The following MDGA2 variants were observed in gnomAD, a reference collection of about 807,000 sequenced individuals.
MDGA2 encodes the protein MAM domain-containing glycosylphosphatidylinositol anchor protein 2.
Under a neutral mutation model 117.8 loss-of-function variants are expected in MDGA2, and 40 were observed. The ratio of observed to expected loss-of-function variants is 0.34; its 90% CI spans 0.26 to 0.44. The LOEUF is 0.44. Among genes scored for constraint, MDGA2 ranks in the 20% least tolerant of loss-of-function variants. MDGA2 has a pLI of 1.00. For synonymous variants in MDGA2, 452 were observed against 439.0 expected (o/e 1.03, Z -0.37); for missense variants, 1,123 against 1,250.6 (o/e 0.90, Z 1.54).
intron 2 of MDGA2, among the ~76,000 whole-genome samples, chr14:47,236,411 T>C (rs1240995904): frequency 6.6e-6 from 1 of 151,608 alleles, no homozygotes; most frequent in East Asian, 1.9e-4. Flanking sequence ...GTAGGAGCAG[T>C]TGGTGTTTGA....
At chr14:47,556,498 C>T (rs1347252661) in intron 1 of MDGA2, among the ~76,000 whole-genome samples, 1 of 152,186 alleles carries the variant, frequency 6.6e-6, no homozygotes, top group African/African-American at 2.4e-5. Flanking sequence ...TTCTGGATTA[C>T]AGCCAGAAGT....
chr14:47,085,428 A>G (rs1890861466), intron 6 of MDGA2, among the ~76,000 whole-genome samples: 1 of 152,150 alleles, frequency 6.6e-6, no homozygotes, highest in African/African-American at 2.4e-5. Flanking sequence ...GAAAAACTGA[A>G]TGATATTGAC....
chr14:47,208,530 C>CTTT (rs35699705), intron 3 of MDGA2, among the ~76,000 whole-genome samples: 7 of 142,290 alleles, frequency 4.9e-5, no homozygotes, highest in Admixed American at 7.0e-5. Context: ...TCTCTAAACT[C>CTTT]TTTTTTTTTT....
chr14:47,211,159 C>T lies in MDGA2; in HGVS notation c.595+6862G>A, dbSNP rs146314688. Reference sequence around the variant, plus strand: ...CTCATTTCTCCCCCAAACCCACCATCGTAACCACTAGTCCCTAAACTCTGT... The same window carrying T: ...CTCATTTCTCCCCCAAACCCACCATTGTAACCACTAGTCCCTAAACTCTGT... On this transcript the variant is annotated intron_variant, in intron 3 of 16. Transcript: ENST00000399232. Among the ~76,000 whole-genome samples, 454 of 152,196 alleles carry T rather than the reference C, an allele frequency of 3.0e-3. 1 individual carries two copies. Among genetic ancestry groups the T allele is most frequent in the Non-Finnish European group, 5.1e-3 (350 of 68,010 alleles).
intron 9 of MDGA2, among the ~76,000 whole-genome samples, chr14:46,929,434 A>G (rs1884450150): frequency 6.6e-6 from 1 of 150,866 alleles, no homozygotes; most frequent in Non-Finnish European, 1.5e-5. Flanking sequence ...CTAAATGTGA[A>G]TACTGGGTCT....
chr14:47,556,603 T>C lies in MDGA2; in HGVS notation c.280+117914A>G, dbSNP rs75445471. On this transcript the variant is annotated intron_variant, in intron 1 of 16. Coordinates refer to ENST00000399232, the MANE Select transcript of MDGA2 (RefSeq NM_001113498.3). Reference sequence around the variant, plus strand: ...CCCTAATACACCAGCTGGAACAGCCTGGTCAAGTTAAGTTTCTTTAACCTT... The same window carrying C: ...CCCTAATACACCAGCTGGAACAGCCCGGTCAAGTTAAGTTTCTTTAACCTT... 4.1e-3 allele frequency among the ~76,000 whole-genome samples: 625 copies of C among 152,310 alleles called. 4 individuals are homozygous for C. The highest frequency in any genetic ancestry group is 0.014 in the African/African-American group (584 of 41,568).
intron 3 of MDGA2, among the ~76,000 whole-genome samples, chr14:47,170,760 G>C (rs1399027277): frequency 1.3e-5 from 2 of 152,060 alleles, no homozygotes; most frequent in Admixed American, 1.3e-4. Flanking sequence ...AAAAACTTCT[G>C]ACAAGTCTAC....
chr14:46,872,451 A>G (rs1274509498), intron 14 of MDGA2, among the ~76,000 whole-genome samples: 1 of 151,900 alleles, frequency 6.6e-6, no homozygotes, highest in East Asian at 1.9e-4. Context: ...TCATTCCTCA[A>G]CTAGATAAAG....
At chr14:47,126,713 TA>T in intron 5 of MDGA2, among the ~76,000 whole-genome samples, 1 of 152,216 alleles carries the variant, frequency 6.6e-6, no homozygotes, top group Non-Finnish European at 1.5e-5. Context: ...TACATATTAT[TA>T]TCATCCAAAG....
intron 7 of MDGA2, among the ~76,000 whole-genome samples, chr14:47,049,786 G>A (rs1381653249): frequency 1.3e-5 from 2 of 151,788 alleles, no homozygotes; most frequent in East Asian, 3.9e-4. Flanking sequence ...CATATTTTTG[G>A]TCTAGTCATT....
chr14:47,446,557 C>T (rs548788645), intron 1 of MDGA2, among the ~76,000 whole-genome samples: 10 of 151,578 alleles, frequency 6.6e-5, no homozygotes, highest in South Asian at 2.1e-4. Context: ...TTTGTAAAAA[C>T]GAAAGTGGGG....
intron 2 of MDGA2, among the ~76,000 whole-genome samples, chr14:47,300,742 C>T (rs1324938418): frequency 6.6e-6 from 1 of 151,970 alleles, no homozygotes; most frequent in South Asian, 2.1e-4. Flanking sequence ...CAAATGATCC[C>T]CTTGCCTCAG....
intron 1 of MDGA2, among the ~76,000 whole-genome samples, chr14:47,562,548 T>C (rs1244992530): frequency 3.3e-5 from 5 of 152,236 alleles, no homozygotes; most frequent in Middle Eastern, 3.2e-3. Flanking sequence ...TCACAGCCTC[T>C]GAGGATTTTT....
chr14:47,072,759 T>A (rs898670455), intron 6 of MDGA2, among the ~76,000 whole-genome samples: 1 of 152,080 alleles, frequency 6.6e-6, no homozygotes, highest in Non-Finnish European at 1.5e-5. Context: ...ATTGAAAAAG[T>A]TTATGCTGCC....
At chr14:47,030,118 C>T (rs900354255) in intron 8 of MDGA2, among the ~76,000 whole-genome samples, 13 of 151,984 alleles carry the variant, frequency 8.6e-5, no homozygotes, top group African/African-American at 3.1e-4. Context: ...GAGCCACCCC[C>T]CGCCCACATA....
intron 1 of MDGA2, among the ~76,000 whole-genome samples, chr14:47,407,038 C>T (rs1892274412): frequency 6.6e-6 from 1 of 151,852 alleles, no homozygotes; most frequent in African/African-American, 2.4e-5. Context: ...AAAATACAAT[C>T]CATTCCCTTA....
intron 1 of MDGA2, among the ~76,000 whole-genome samples, chr14:47,403,252 TTTC>T (rs748688627): frequency 1.3e-5 from 2 of 152,228 alleles, no homozygotes; most frequent in Non-Finnish European, 2.9e-5. Flanking sequence ...GGCATTTTCT[TTTC>T]TTAACCAAAT....
At position 47,158,006 on chromosome 14, in the gene MDGA2, TACACACAC is replaced by T. The variant is rs3039402; in HGVS notation, c.596-13740_596-13733del. 4.4e-4 allele frequency among the ~76,000 whole-genome samples: 66 copies of T among 148,978 alleles called. 1 individual carries two copies. The highest frequency in any genetic ancestry group is 1.5e-3 in the African/African-American group (62 of 40,576). On this transcript the variant is annotated intron_variant, in intron 3 of 16. Transcript: ENST00000399232. ...GTGGAACAGACTAATACAGTATCTA[TACACACAC>T]ACACACACACACACACATACATTAT...
intron 1 of MDGA2, among the ~76,000 whole-genome samples, chr14:47,599,679 T>A (rs79863263): frequency 4.6e-5 from 7 of 152,246 alleles, no homozygotes; most frequent in African/African-American, 7.2e-5. Context: ...TAAAAATAAG[T>A]GTGTCCCCAT....
Sources: allele counts gnomAD v4.1 joint callset (sites outside exome capture counted in the v4.1 genomes callset), GRCh38; gene constraint gnomAD v4.1.1; transcripts MANE v1.5; gene names NCBI Gene and HGNC (gene_info 2026-07-23, HGNC 2026-07-21).